SMYD3: variants seen among roughly 807,000 people sequenced by gnomAD.
SMYD3 encodes histone-lysine N-methyltransferase SMYD3.
SMYD3 carries 36 observed loss-of-function variants against 57.7 expected under a neutral mutation model. The observed-to-expected ratio is 0.62, with a 90% CI of 0.48 to 0.82. The LOEUF (loss-of-function observed/expected upper bound fraction) is 0.82. Among genes scored for constraint, SMYD3 ranks in the 40% least tolerant of loss-of-function variants. The probability of loss-of-function intolerance (pLI) is 0.00; values close to 1 mark genes in which losing one functional copy is unlikely to be tolerated. For synonymous variants in SMYD3, 211 were observed against 195.0 expected, an observed-to-expected ratio of 1.08 and a Z score of -0.68; for missense variants, 515 against 538.8, an observed-to-expected ratio of 0.96 and a Z score of 0.44.
intron 5 of SMYD3, among the ~76,000 whole-genome samples, chr1:246,041,561 G>T (rs149624967): frequency 0.012 from 1,878 of 152,232 alleles, 36 homozygotes; most frequent in African/African-American, 0.043. Context: ...TGTTGCCAGG[G>T]CCCTACGTCG....
intron 8 of SMYD3, among the ~76,000 whole-genome samples, chr1:245,900,034 A>G (rs1411590210): frequency 1.3e-5 from 2 of 152,062 alleles, no homozygotes; most frequent in Admixed American, 1.3e-4. Flanking sequence ...AGACTTCTCA[A>G]CCTCCATAAT....
rs182693905 is a variant in SMYD3, at chr1:245,880,029, A to G, written c.814-16143T>C. Among the ~76,000 whole-genome samples, 566 of 151,298 alleles carry G rather than the reference A, an allele frequency of 3.7e-3. 4 individuals carry two copies. The highest frequency in any genetic ancestry group is 0.013 in the African/African-American group (528 of 41,072). On this transcript the variant is annotated intron_variant, in intron 8 of 11. Coordinates refer to ENST00000490107, the MANE Select transcript of SMYD3 (RefSeq NM_001167740.2). The stretch of plus-strand genomic sequence containing the variant: ...AGGTGCGTTGCTGTACACACCAGAG[A>G]TAGCACAGGTGCGTTGCTGTACACG...
At chr1:246,134,507 C>A (rs757285484) in intron 5 of SMYD3, among the ~76,000 whole-genome samples, 5 of 151,930 alleles carry the variant, frequency 3.3e-5, no homozygotes, top group African/African-American at 4.8e-5. Flanking sequence ...TATTTATATG[C>A]CCCTAGCAGA....
At chr1:246,430,835 T>TTTA in intron 1 of SMYD3, among the ~76,000 whole-genome samples, 1 of 151,784 alleles carries the variant, frequency 6.6e-6, no homozygotes, top group Non-Finnish European at 1.5e-5. Flanking sequence ...TCAACATTAG[T>TTTA]GGAATGAGCA....
chr1:246,046,220 C>G (rs1171448044), intron 5 of SMYD3, among the ~76,000 whole-genome samples: 1 of 152,112 alleles, frequency 6.6e-6, no homozygotes, highest in East Asian at 1.9e-4. Context: ...GACTTGGAAC[C>G]AACCCAAATG....
At chr1:246,271,583 C>A (rs1175922683) in intron 5 of SMYD3, among the ~76,000 whole-genome samples, 2 of 152,156 alleles carry the variant, frequency 1.3e-5, no homozygotes, top group Admixed American at 6.5e-5. Flanking sequence ...GGTCTTGGCA[C>A]CCCCATCGAA....
intron 5 of SMYD3, among the ~76,000 whole-genome samples, chr1:246,041,479 A>T (rs1449797232): frequency 6.6e-6 from 1 of 152,228 alleles, no homozygotes; most frequent in Admixed American, 6.5e-5. Flanking sequence ...GTTTCTTATT[A>T]GCTTGTCCCA....
chr1:246,036,550 T>G (rs1572924339), intron 5 of SMYD3, among the ~76,000 whole-genome samples: 1 of 102,830 alleles, frequency 9.7e-6, no homozygotes, highest in South Asian at 4.2e-4. Flanking sequence ...TTTTTTTTTT[T>G]TTTGTTTTGT....
At chr1:245,833,835 C>T (rs2049975682) in intron 10 of SMYD3, among the ~76,000 whole-genome samples, 1 of 152,242 alleles carries the variant, frequency 6.6e-6, no homozygotes, top group Non-Finnish European at 1.5e-5. Context: ...GACACACTCA[C>T]TCTCAGGGTC....
intron 5 of SMYD3, among the ~76,000 whole-genome samples, chr1:246,226,683 C>G (rs540609790): frequency 1.2e-4 from 18 of 152,256 alleles, no homozygotes; most frequent in African/African-American, 2.4e-4. Flanking sequence ...AGAACCATTT[C>G]TAGTCTTTTT....
intron 5 of SMYD3, among the ~76,000 whole-genome samples, chr1:246,003,301 A>G (rs2059112103): frequency 6.6e-6 from 1 of 152,226 alleles, no homozygotes; most frequent in Non-Finnish European, 1.5e-5. Flanking sequence ...TGGCAGGGGC[A>G]TCAGGTGTAG....
At chr1:246,059,316 G>T (rs2060209913) in intron 5 of SMYD3, among the ~76,000 whole-genome samples, 1 of 151,180 alleles carries the variant, frequency 6.6e-6, no homozygotes. Context: ...CAGAGGCAGG[G>T]ATAATAAAAC....
chr1:246,022,425 G>A (rs1277340001), intron 5 of SMYD3, among the ~76,000 whole-genome samples: 4 of 152,134 alleles, frequency 2.6e-5, no homozygotes, highest in Admixed American at 2.6e-4. Flanking sequence ...CTGGAGCCAC[G>A]CAGCCTTGCT....
intron 1 of SMYD3, among the ~76,000 whole-genome samples, chr1:246,481,677 C>CTCATATATGAGTATATATGA (rs1164800101): frequency 1.5e-5 from 2 of 133,938 alleles, no homozygotes; most frequent in African/African-American, 5.5e-5. Flanking sequence ...TATATATAAA[C>CTCATATATGAGTATATATGA]TCATATATGA....
intron 5 of SMYD3, among the ~76,000 whole-genome samples, chr1:246,279,525 A>C (rs2148567285): frequency 6.6e-6 from 1 of 152,296 alleles, no homozygotes; most frequent in Non-Finnish European, 1.5e-5. Context: ...TTCTCAAAAC[A>C]AAAACAAAAA....
Position 245,979,229 on chromosome 1 carries a change from T to C in SMYD3, c.532-49292A>G, listed in dbSNP as rs564389678. Among the ~76,000 whole-genome samples, 10 of 152,270 alleles carry C rather than the reference T, an allele frequency of 6.6e-5. No individual in the cohort carries two copies. The South Asian group carries it at 1.9e-3, about 28-fold the overall frequency. The stretch of plus-strand genomic sequence containing the variant: ...ATGGCAACAGAGATTTGGGAATCTT[T>C]TCCAGGGTAAAAACAACTGGGATGG... On this transcript the variant is annotated intron_variant, in intron 5 of 11. Transcript: ENST00000490107.
intron 5 of SMYD3, among the ~76,000 whole-genome samples, chr1:246,242,108 T>G (rs1360608624): frequency 1.3e-5 from 2 of 152,166 alleles, no homozygotes; most frequent in Non-Finnish European, 2.9e-5. Context: ...TTCTCTGATC[T>G]TAGTTATTTC....
At chr1:245,860,745 A>C (rs750308567) in intron 9 of SMYD3, among the ~76,000 whole-genome samples, 5 of 152,258 alleles carry the variant, frequency 3.3e-5, no homozygotes, top group Non-Finnish European at 5.9e-5. Flanking sequence ...GGGAAGCAGT[A>C]TCTTAGGCAA....
chr1:246,082,630 CATTA>C (rs1296259246), intron 5 of SMYD3, among the ~76,000 whole-genome samples: 1 of 152,140 alleles, frequency 6.6e-6, no homozygotes, highest in Non-Finnish European at 1.5e-5. Flanking sequence ...GCTAGCTCTG[CATTA>C]ATTAAACTCT....
Sources: allele counts gnomAD v4.1 joint callset (sites outside exome capture counted in the v4.1 genomes callset), GRCh38; gene constraint gnomAD v4.1.1; transcripts MANE v1.5; gene names NCBI Gene and HGNC (gene_info 2026-07-23, HGNC 2026-07-21).